SDK1: variants seen among roughly 807,000 people sequenced by gnomAD.
SDK1 encodes protein sidekick-1.
Under a neutral mutation model 245.5 loss-of-function variants are expected in SDK1, and 157 were observed. That is an observed-to-expected ratio of 0.64 (90% CI 0.56 to 0.73). The LOEUF is 0.73. SDK1 is among the 30% of genes least tolerant of loss of function. The probability of loss-of-function intolerance (pLI) is 0.00; values close to 1 mark genes in which losing one functional copy is unlikely to be tolerated. For synonymous variants in SDK1, 1,647 were observed against 1,278.5 expected, an observed-to-expected ratio of 1.29 and a Z score of -6.15; for missense variants, 3,583 against 3,002.3, an observed-to-expected ratio of 1.19 and a Z score of -4.52.
intron 1 of SDK1, among the ~76,000 whole-genome samples, chr7:3,506,439 T>C (rs1359837024): frequency 6.6e-6 from 1 of 152,180 alleles, no homozygotes; most frequent in African/African-American, 2.4e-5. Context: ...GTTATTATTC[T>C]CTTTTGGGTT....
chr7:3,862,865 T>G (rs1382706331), intron 5 of SDK1, among the ~76,000 whole-genome samples: 1 of 152,184 alleles, frequency 6.6e-6, no homozygotes, highest in East Asian at 1.9e-4. Context: ...AGGCATTAGA[T>G]TCTCATAAGG....
At chr7:3,427,417 G>T (rs1265847634) in intron 1 of SDK1, among the ~76,000 whole-genome samples, 2 of 151,750 alleles carry the variant, frequency 1.3e-5, no homozygotes, top group Non-Finnish European at 2.9e-5. Context: ...TACTTGGGAG[G>T]CTGGAGCAGG....
At chr7:3,766,338 C>G (rs1006485574) in intron 4 of SDK1, among the ~76,000 whole-genome samples, 3 of 152,122 alleles carry the variant, frequency 2.0e-5, no homozygotes, top group Non-Finnish European at 4.4e-5. Flanking sequence ...TTATTAATTG[C>G]AAAGTGTACT....
chr7:3,428,858 C>T (rs188949830), intron 1 of SDK1, among the ~76,000 whole-genome samples: 102 of 152,190 alleles, frequency 6.7e-4, no homozygotes, highest in African/African-American at 1.7e-3. Context: ...AGGAACATCC[C>T]GTAGTCAAGT....
intron 1 of SDK1, among the ~76,000 whole-genome samples, chr7:3,305,795 A>G (rs973271685): frequency 1.0e-4 from 15 of 147,418 alleles, no homozygotes; most frequent in African/African-American, 3.4e-4. Context: ...ATTACCCTCT[A>G]TGCAGTCTGC....
intron 17 of SDK1, among the ~76,000 whole-genome samples, chr7:4,036,121 A>G (rs1788196426): frequency 6.6e-6 from 1 of 152,212 alleles, no homozygotes; most frequent in African/African-American, 2.4e-5. Context: ...CAAATATTTG[A>G]AAGCCGCAAT....
intron 4 of SDK1, among the ~76,000 whole-genome samples, chr7:3,696,370 G>A (rs562832004): frequency 1.1e-4 from 16 of 152,202 alleles, no homozygotes; most frequent in South Asian, 6.2e-4. Flanking sequence ...CAAGGGACAC[G>A]TTGCATATGT....
intron 5 of SDK1, among the ~76,000 whole-genome samples, chr7:3,939,678 T>C (rs192865384): frequency 6.6e-6 from 1 of 152,266 alleles, no homozygotes; most frequent in East Asian, 1.9e-4. Context: ...TATACATATA[T>C]ATGTGTATGT....
chr7:3,789,616 A>G (rs1002847521), intron 4 of SDK1, among the ~76,000 whole-genome samples: 2 of 152,226 alleles, frequency 1.3e-5, no homozygotes, highest in Admixed American at 1.3e-4. Context: ...GGAAAAGTGT[A>G]TCATCCAACT....
intron 5 of SDK1, among the ~76,000 whole-genome samples, chr7:3,902,665 T>C (rs886666043): frequency 6.6e-6 from 1 of 152,226 alleles, no homozygotes; most frequent in East Asian, 1.9e-4. Context: ...GTTAGTATAG[T>C]TCAAAAGTCT....
At chr7:4,186,538 G>T (rs531505763) in intron 35 of SDK1, among the ~76,000 whole-genome samples, 3 of 152,182 alleles carry the variant, frequency 2.0e-5, no homozygotes, top group Non-Finnish European at 2.9e-5. Context: ...CCCCGGAGCC[G>T]GCTCGCCTTC....
chr7:3,842,188 G>C (rs186900224), intron 5 of SDK1, among the ~76,000 whole-genome samples: 36 of 152,346 alleles, frequency 2.4e-4, no homozygotes, highest in Admixed American at 1.5e-3. Context: ...AGTCCCTTCA[G>C]TGGGCAGAGA....
At chr7:4,217,031 G>C (rs1784840748) in intron 38 of SDK1, among the ~76,000 whole-genome samples, 1 of 99,284 alleles carries the variant, frequency 1.0e-5, no homozygotes, top group Non-Finnish European at 2.1e-5. Flanking sequence ...ACCACCCGGA[G>C]CACCAGGCCA....
Position 3,971,343 on chromosome 7 carries a change from T to C in SDK1, c.1715-123T>C, listed in dbSNP as rs1218428361. 2.8e-5 allele frequency: 19 copies of C among 688,524 alleles called. No homozygotes were observed. In the East Asian group the frequency reaches 4.4e-4, roughly 16 times the overall value. 42.7% of individuals were successfully genotyped at this position (688,524 alleles called of 1,614,324 possible). A position where few individuals can be genotyped will look rare whatever the true frequency, so the allele number is the denominator to read the frequency against. On this transcript the variant is annotated intron_variant, in intron 11 of 44. Transcript: ENST00000404826. ...TCTGAGAGTGATCCATTTACACTCA[T>C]TCTGCCAAGATGAGAGAAAACTCGG...
chr7:3,992,719 A>G (rs1784434620), intron 14 of SDK1, among the ~76,000 whole-genome samples: 1 of 152,170 alleles, frequency 6.6e-6, no homozygotes, highest in Non-Finnish European at 1.5e-5. Flanking sequence ...TGTGCCATAA[A>G]AAGGATTACT....
At position 4,266,713 on chromosome 7, in the gene SDK1, G is replaced by A. The variant is rs1003587307; in HGVS notation, c.*1329G>A. On this transcript the variant is annotated 3_prime_UTR_variant, in exon 45 of 45. Transcript: ENST00000404826. ...ACGTCATCTTTGCAACAGACGACTG[G>A]GCTGCCATGGTCCACCCCTCAGCCC... 7.1e-6 allele frequency: 7 copies of A among 985,320 alleles called. No individual in the cohort carries two copies. Among genetic ancestry groups the A allele is most frequent in the Non-Finnish European group, 8.4e-6 (7 of 829,938 alleles). 61.0% of individuals were successfully genotyped at this position (985,320 alleles called of 1,614,324 possible). A position where few individuals can be genotyped will look rare whatever the true frequency, so the allele number is the denominator to read the frequency against.
At chr7:3,948,000 T>C (rs1780647470) in intron 5 of SDK1, among the ~76,000 whole-genome samples, 1 of 152,164 alleles carries the variant, frequency 6.6e-6, no homozygotes, top group South Asian at 2.1e-4. Context: ...ACATATGAAT[T>C]TGATTGAAAT....
chr7:3,579,097 T>C (rs1780400087), intron 1 of SDK1, among the ~76,000 whole-genome samples: 1 of 151,940 alleles, frequency 6.6e-6, no homozygotes, highest in African/African-American at 2.4e-5. Context: ...CAACTTTTCC[T>C]ATATAAAGGG....
chr7:4,025,570 C>T (rs1051041613), intron 17 of SDK1, among the ~76,000 whole-genome samples: 4 of 152,170 alleles, frequency 2.6e-5, no homozygotes, highest in South Asian at 2.1e-4. Flanking sequence ...TTTTGTGATT[C>T]GCAGGCCTGT....
Sources: gnomAD v4.1 joint callset for allele counts (sites outside exome capture counted in the v4.1 genomes callset) on GRCh38, gnomAD v4.1.1 for gene constraint, MANE v1.5 for transcripts, NCBI Gene and HGNC (gene_info 2026-07-23, HGNC 2026-07-21) for gene names.